FNDC3B: variants seen among roughly 807,000 people sequenced by gnomAD.
FNDC3B encodes the protein fibronectin type III domain containing 3B, also known as fibronectin type III domain-containing protein 3B.
In FNDC3B, 12 loss-of-function variants were observed where a neutral mutation model predicts 151.5. The ratio of observed to expected loss-of-function variants is 0.08; its 90% CI spans 0.05 to 0.13. The LOEUF (loss-of-function observed/expected upper bound fraction) is 0.13. Among genes scored for constraint, FNDC3B ranks in the 10% least tolerant of loss-of-function variants. The pLI, the probability that FNDC3B is intolerant of heterozygous loss-of-function variation, is 1.00. For missense variants in FNDC3B, 1,214 were observed against 1,505.3 expected, an observed-to-expected ratio of 0.81 and a Z score of 3.20; for synonymous variants, 528 against 549.0, an observed-to-expected ratio of 0.96 and a Z score of 0.54.
In FNDC3B at chr3:172,341,002, AAAAG is replaced by A. The variant is rs1733285874; in HGVS notation, c.1853-108_1853-105del. ...AGAGCTTTCTGGCTATTTAAAAAGA[AAAAG>A]AAGATGTTGGTTTTCATGAAAACAT... On this transcript the variant is annotated intron_variant, in intron 16 of 25. Coordinates refer to ENST00000415807, the MANE Select transcript of FNDC3B (RefSeq NM_022763.4). 3 of 747,192 alleles carry A rather than the reference AAAAG, an allele frequency of 4.0e-6. No homozygotes were observed. In the African/African-American group the frequency reaches 5.3e-5, roughly 13 times the overall value. The allele number at this position is 747,192 out of a possible 1,614,324, so 46.3% of individuals were successfully genotyped here. A position where few individuals can be genotyped will look rare whatever the true frequency, so the allele number is the denominator to read the frequency against.
chr3:172,087,948 A>C (rs1474062656), intron 1 of FNDC3B, among the ~76,000 whole-genome samples: 1 of 152,228 alleles, frequency 6.6e-6, no homozygotes, highest in Non-Finnish European at 1.5e-5. Flanking sequence ...GCAAGAGATG[A>C]GAATGTAGTA....
At chr3:172,309,235 G>A (rs565858798) in intron 10 of FNDC3B, among the ~76,000 whole-genome samples, 3 of 152,300 alleles carry the variant, frequency 2.0e-5, no homozygotes, top group African/African-American at 7.2e-5. Flanking sequence ...AAGGACAGGG[G>A]AACATTCTCT....
At chr3:172,277,536 G>A (rs1028461616) in intron 6 of FNDC3B, among the ~76,000 whole-genome samples, 1 of 152,268 alleles carries the variant, frequency 6.6e-6, no homozygotes, top group East Asian at 1.9e-4. Context: ...ACTTTAGCGC[G>A]TAGGGTTTTA....
intron 1 of FNDC3B, among the ~76,000 whole-genome samples, chr3:172,075,724 AACACACACACACACACACACACAC>A (rs57920659): frequency 6.8e-5 from 10 of 146,956 alleles, no homozygotes; most frequent in African/African-American, 1.3e-4. Flanking sequence ...TAGCCCAGTA[AACACACACACACACACACACACAC>A]ACACACACAC....
intron 2 of FNDC3B, chr3:172,127,133 T>C (rs1720845800): frequency 5.1e-5 from 23 of 454,492 alleles, no homozygotes; most frequent in South Asian, 3.4e-4. Context: ...TTCTTGAGAC[T>C]GTAATTTTAC....
intron 1 of FNDC3B, among the ~76,000 whole-genome samples, chr3:172,073,665 C>T (rs553295539): frequency 8.7e-4 from 132 of 152,300 alleles, no homozygotes; most frequent in African/African-American, 3.2e-3. Flanking sequence ...TTCCCATTTA[C>T]ACTTTTAATG....
chr3:172,376,676 G>A (rs1359953090), intron 23 of FNDC3B, among the ~76,000 whole-genome samples: 1 of 152,062 alleles, frequency 6.6e-6, no homozygotes, highest in East Asian at 1.9e-4. Context: ...CTGGACTCTG[G>A]CTTTCCCTGA....
chr3:172,368,208 T>G (rs1186389450), intron 23 of FNDC3B, among the ~76,000 whole-genome samples: 1 of 150,860 alleles, frequency 6.6e-6, no homozygotes, highest in African/African-American at 2.5e-5. Flanking sequence ...AGTTTGAGGT[T>G]GCAGTGAGCT....
chr3:172,348,488 G>A (rs1180213076), intron 21 of FNDC3B, among the ~76,000 whole-genome samples: 1 of 152,156 alleles, frequency 6.6e-6, no homozygotes, highest in Non-Finnish European at 1.5e-5. Flanking sequence ...ATTTATAATA[G>A]TGATGCTGAG....
At chr3:172,350,675 G>A (rs1469073463) in intron 21 of FNDC3B, among the ~76,000 whole-genome samples, 2 of 152,076 alleles carry the variant, frequency 1.3e-5, no homozygotes, top group Non-Finnish European at 2.9e-5. Flanking sequence ...TATAAGTTTT[G>A]TTTTAGACCT....
chr3:172,281,213 T>G (rs867120938), intron 6 of FNDC3B, among the ~76,000 whole-genome samples: 2 of 104,244 alleles, frequency 1.9e-5, no homozygotes, highest in Admixed American at 1.9e-4. Context: ...TTATTATTAT[T>G]TATATTTATT....
At chr3:172,093,048 GCTCAAGCGATC>G (rs1718918395) in intron 1 of FNDC3B, among the ~76,000 whole-genome samples, 1 of 151,964 alleles carries the variant, frequency 6.6e-6, no homozygotes, top group South Asian at 2.1e-4. Flanking sequence ...GAACTACTGG[GCTCAAGCGATC>G]CTCCCACCTT....
At position 172,040,124 on chromosome 3, in the gene FNDC3B, C is replaced by T. The variant is rs765864441; in HGVS notation, c.-29+353C>T. ...GCGGCCTCCCCCCACCCCCAGCCTT[C>T]CCAGCAGATTTTGTCCGAGGAATCC... On this transcript the variant is annotated intron_variant, in intron 1 of 25. Coordinates refer to ENST00000415807, the MANE Select transcript of FNDC3B (RefSeq NM_022763.4). The surrounding 1 kb of genome is among the most constrained non-coding windows in gnomAD (Gnocchi z 6.6). 7.2e-4 allele frequency among the ~76,000 whole-genome samples: 109 copies of T among 152,286 alleles called. No individual in the cohort carries two copies. The highest frequency in any genetic ancestry group is 1.4e-3 in the Non-Finnish European group (92 of 67,996).
At chr3:172,146,574 G>T (rs1721918422) in intron 3 of FNDC3B, among the ~76,000 whole-genome samples, 1 of 152,122 alleles carries the variant, frequency 6.6e-6, no homozygotes, top group Admixed American at 6.5e-5. Flanking sequence ...AGAAGCTCTG[G>T]TTAACGTAAC....
At chr3:172,099,082 G>A (rs1008932451) in intron 1 of FNDC3B, among the ~76,000 whole-genome samples, 3 of 152,150 alleles carry the variant, frequency 2.0e-5, no homozygotes, top group African/African-American at 7.2e-5. Context: ...TATTTATAGC[G>A]GCCAGTGGAA....
chr3:172,213,643 T>G (rs1240505246), intron 3 of FNDC3B, among the ~76,000 whole-genome samples: 1 of 152,222 alleles, frequency 6.6e-6, no homozygotes, highest in Non-Finnish European at 1.5e-5. Context: ...TTTGATGTAG[T>G]CTTGTTTTTA....
intron 3 of FNDC3B, among the ~76,000 whole-genome samples, chr3:172,165,696 G>A (rs1349922914): frequency 3.3e-5 from 5 of 151,982 alleles, no homozygotes. Flanking sequence ...TTTTTCTTCT[G>A]TTTCCCACAA....
At chr3:172,360,034 G>T (rs1316517120) in intron 22 of FNDC3B, among the ~76,000 whole-genome samples, 1 of 152,176 alleles carries the variant, frequency 6.6e-6, no homozygotes, top group Non-Finnish European at 1.5e-5. Flanking sequence ...GATTGGGATT[G>T]CTGGGTCATG....
chr3:172,116,403 G>A (rs1321631448), intron 2 of FNDC3B, among the ~76,000 whole-genome samples: 2 of 151,986 alleles, frequency 1.3e-5, no homozygotes, highest in Non-Finnish European at 2.9e-5. Context: ...AACCCTAGAG[G>A]GATCACTCCC....
Sources: gnomAD v4.1 joint callset for allele counts (sites outside exome capture counted in the v4.1 genomes callset) on GRCh38, gnomAD v4.1.1 for gene constraint, Gnocchi (gnomAD v3.1) non-coding constraint, MANE v1.5 for transcripts, NCBI Gene and HGNC (gene_info 2026-07-23, HGNC 2026-07-21) for gene names.